The following TSPAN5 variants were observed in gnomAD, a reference collection of about 807,000 sequenced individuals.
The protein encoded by TSPAN5 is tetraspanin 5.
Under a neutral mutation model 37.1 loss-of-function variants are expected in TSPAN5, and 10 were observed. That is an observed-to-expected ratio of 0.27 (90% CI 0.17 to 0.46). The LOEUF (loss-of-function observed/expected upper bound fraction) is 0.46. Ranked by LOEUF, TSPAN5 falls within the 20% of genes least tolerant of loss-of-function variation. The pLI, the probability that TSPAN5 is intolerant of heterozygous loss-of-function variation, is 1.00. For synonymous variants in TSPAN5, 110 were observed against 118.9 expected, an observed-to-expected ratio of 0.93 and a Z score of 0.48; for missense variants, 195 against 326.6, an observed-to-expected ratio of 0.60 and a Z score of 3.11.
At position 98,476,177 on chromosome 4, in the gene TSPAN5, C is replaced by T. The variant is rs777955067; in HGVS notation, c.741+12G>A. On this transcript the variant is annotated intron_variant, in intron 7 of 7. Transcript: ENST00000305798. The stretch of plus-strand genomic sequence containing the variant: ...ATTTCCCTGTGATATCCATAAAGGA[C>T]CCTTATCTTACCTGCAGCAATGCAA... The T allele has an allele frequency of 1.1e-5, 17 of 1,600,834 alleles. No homozygotes were observed. In the East Asian group the frequency reaches 3.6e-4, roughly 34 times the overall value.
chr4:98,472,123 G>A lies in TSPAN5; in HGVS notation c.*399C>T, dbSNP rs1260654582. On this transcript the variant is annotated 3_prime_UTR_variant, in exon 8 of 8. Coordinates refer to ENST00000305798, the MANE Select transcript of TSPAN5 (RefSeq NM_005723.4). The stretch of plus-strand genomic sequence containing the variant: ...ACTCCTTCAGGCCATGGAACAGAAA[G>A]AAGGTGGTCCGTCCAAGGTGTGGTG... 6.3e-6 allele frequency: 1 copy of A among 159,052 alleles called. No homozygotes were observed. The highest frequency in any genetic ancestry group is 2.4e-5 in the African/African-American group (1 of 41,702). 9.9% of individuals were successfully genotyped at this position (159,052 alleles called of 1,614,324 possible).
intron 1 of TSPAN5, among the ~76,000 whole-genome samples, chr4:98,537,118 C>T (rs1425922739): frequency 1.3e-5 from 2 of 152,178 alleles, no homozygotes; most frequent in Admixed American, 1.3e-4. Context: ...AAACCCAGGG[C>T]CCTGGTGGGG....
chr4:98,493,702 G>A (rs367553191), intron 2 of TSPAN5, among the ~76,000 whole-genome samples: 7 of 152,172 alleles, frequency 4.6e-5, no homozygotes, highest in South Asian at 2.1e-4. Flanking sequence ...AGAATTCTTC[G>A]TATGCAGACT....
chr4:98,533,565 T>TTTTTTTTTTTTTC (rs1754153101), intron 1 of TSPAN5, among the ~76,000 whole-genome samples: 1 of 132,378 alleles, frequency 7.6e-6, no homozygotes, highest in Non-Finnish European at 1.6e-5. Context: ...TTTTTTTTTT[T>TTTTTTTTTTTTTC]CTTGAGACAG....
chr4:98,614,049 C>A (rs1265522513), intron 1 of TSPAN5, among the ~76,000 whole-genome samples: 1 of 152,162 alleles, frequency 6.6e-6, no homozygotes, highest in Non-Finnish European at 1.5e-5. Context: ...TTTTTCCAAA[C>A]AACCACCAAC....
intron 1 of TSPAN5, among the ~76,000 whole-genome samples, chr4:98,512,531 C>T (rs1241592496): frequency 6.6e-6 from 1 of 152,184 alleles, no homozygotes; most frequent in Admixed American, 6.5e-5. Flanking sequence ...AGAGCTGACC[C>T]TTGGGAACAG....
At chr4:98,605,793 T>C (rs1161774762) in intron 1 of TSPAN5, among the ~76,000 whole-genome samples, 4 of 152,228 alleles carry the variant, frequency 2.6e-5, no homozygotes, top group Admixed American at 2.0e-4. Context: ...AATGTGTTTT[T>C]GATACTATAT....
At chr4:98,547,932 G>A (rs1220408126) in intron 1 of TSPAN5, among the ~76,000 whole-genome samples, 4 of 150,240 alleles carry the variant, frequency 2.7e-5, no homozygotes, top group Non-Finnish European at 4.4e-5. Context: ...TTGAACCCTG[G>A]AGGTAGAGGC....
At chr4:98,569,667 G>A (rs1755078168) in intron 1 of TSPAN5, among the ~76,000 whole-genome samples, 1 of 152,202 alleles carries the variant, frequency 6.6e-6, no homozygotes, top group Non-Finnish European at 1.5e-5. Flanking sequence ...ATGCAAAGAT[G>A]ACTGGAGTTT....
chr4:98,599,949 G>C (rs914255644), intron 1 of TSPAN5, among the ~76,000 whole-genome samples: 2 of 152,066 alleles, frequency 1.3e-5, no homozygotes, highest in African/African-American at 4.8e-5. Context: ...CTACTAAATG[G>C]TTTTCCAAAA....
intron 2 of TSPAN5, among the ~76,000 whole-genome samples, chr4:98,487,250 A>G (rs868532250): frequency 5.3e-5 from 8 of 151,926 alleles, no homozygotes; most frequent in South Asian, 2.1e-4. Flanking sequence ...AAAAAAAAAA[A>G]AAAAGAAAAG....
rs189891273 is a variant in TSPAN5 at position 98,615,135 on chromosome 4, T to C, written c.81+43011A>G. Among the ~76,000 whole-genome samples, 12 of 151,124 alleles carry C rather than the reference T, an allele frequency of 7.9e-5. No individual in the cohort carries two copies. The East Asian group carries it at 2.1e-3, about 27-fold the overall frequency. ...CCATACCTGTGTGGCCCAGCCACAG[T>C]TCATATCCTCAGATATTCTCAAGAT... On this transcript the variant is annotated intron_variant, in intron 1 of 7. Coordinates refer to ENST00000305798, the MANE Select transcript of TSPAN5 (RefSeq NM_005723.4).
intron 1 of TSPAN5, among the ~76,000 whole-genome samples, chr4:98,549,188 T>C (rs1754544051): frequency 6.6e-6 from 1 of 152,202 alleles, no homozygotes; most frequent in Admixed American, 6.5e-5. Flanking sequence ...TTCCCTTTTC[T>C]CCACATGCTC....
intron 1 of TSPAN5, among the ~76,000 whole-genome samples, chr4:98,630,718 T>C (rs1429345048): frequency 1.3e-5 from 2 of 152,138 alleles, no homozygotes; most frequent in Admixed American, 6.5e-5. Flanking sequence ...TCACAAAAAG[T>C]TCTCTGAGAA....
At chr4:98,529,921 A>AT (rs1307207709) in intron 1 of TSPAN5, among the ~76,000 whole-genome samples, 1 of 151,844 alleles carries the variant, frequency 6.6e-6, no homozygotes, top group Non-Finnish European at 1.5e-5. Context: ...AAAAACTAAG[A>AT]TTTTGAGTAT....
intron 1 of TSPAN5, among the ~76,000 whole-genome samples, chr4:98,549,866 G>C (rs1355603320): frequency 2.0e-5 from 3 of 151,332 alleles, no homozygotes. Flanking sequence ...TTCTTTTGCT[G>C]TGCAGAATCT....
intron 1 of TSPAN5, among the ~76,000 whole-genome samples, chr4:98,635,032 C>A (rs1324884923): frequency 1.3e-5 from 2 of 152,210 alleles, no homozygotes; most frequent in Non-Finnish European, 2.9e-5. Context: ...GGTAAGGAGG[C>A]TGCCATTTAT....
intron 1 of TSPAN5, among the ~76,000 whole-genome samples, chr4:98,510,856 T>C (rs907589245): frequency 6.6e-6 from 1 of 152,352 alleles, no homozygotes; most frequent in Middle Eastern, 3.4e-3. Flanking sequence ...CACTAGCAAA[T>C]GTCCTCCCAA....
intron 7 of TSPAN5, among the ~76,000 whole-genome samples, chr4:98,475,858 C>T (rs977435640): frequency 8.6e-5 from 13 of 151,792 alleles, no homozygotes; most frequent in African/African-American, 2.7e-4. Context: ...GGCGTAGTGG[C>T]GGGCACCTGT....
Sources: allele counts gnomAD v4.1 joint callset (sites outside exome capture counted in the v4.1 genomes callset), GRCh38; gene constraint gnomAD v4.1.1; transcripts MANE v1.5; gene names NCBI Gene and HGNC (gene_info 2026-07-23, HGNC 2026-07-21).